Variants in RPS6KA5 observed in about 807,000 individuals in gnomAD.
RPS6KA5 encodes ribosomal protein S6 kinase alpha-5.
RPS6KA5 carries 27 observed loss-of-function variants against 85.5 expected under a neutral mutation model. That is an observed-to-expected ratio of 0.32 (90% confidence interval 0.23 to 0.44). RPS6KA5 has a LOEUF of 0.44. Ranked by LOEUF, RPS6KA5 falls within the 20% of genes least tolerant of loss-of-function variation. RPS6KA5 has a pLI of 1.00. For missense variants in RPS6KA5, 811 were observed against 980.9 expected, an observed-to-expected ratio of 0.83 and a Z score of 2.31; for synonymous variants, 334 against 348.2, an observed-to-expected ratio of 0.96 and a Z score of 0.46.
At chr14:90,883,348 C>A (rs1566687178) in intron 14 of RPS6KA5, among the ~76,000 whole-genome samples, 1 of 152,098 alleles carries the variant, frequency 6.6e-6, no homozygotes, top group South Asian at 2.1e-4. Context: ...TCCTCACACT[C>A]AATAATTTTA....
chr14:91,060,112 T>C, intron 1 of RPS6KA5: 1 of 985,260 alleles, frequency 1.0e-6, no homozygotes. Flanking sequence ...TGCCCGCCGC[T>C]CATTCCCGGG....
At chr14:91,013,819 GAAACAACAGTCAAGGCCA>G (rs2041364708) in intron 1 of RPS6KA5, among the ~76,000 whole-genome samples, 1 of 152,164 alleles carries the variant, frequency 6.6e-6, no homozygotes, top group Non-Finnish European at 1.5e-5. Flanking sequence ...TGTACAGGTT[GAAACAACAGTCAAGGCCA>G]AAATTCATAA....
intron 14 of RPS6KA5, among the ~76,000 whole-genome samples, chr14:90,882,011 T>C (rs1231348386): frequency 6.6e-6 from 1 of 152,246 alleles, no homozygotes; most frequent in Non-Finnish European, 1.5e-5. Context: ...CTAACTTCTG[T>C]CATTTTGCTA....
Position 91,060,553 on chromosome 14 carries a change from C to T in RPS6KA5, c.-119G>A. The T allele has an allele frequency of 5.9e-6, 7 of 1,191,594 alleles. No homozygotes were observed. Among genetic ancestry groups the T allele is most frequent in the Non-Finnish European group, 7.4e-6 (7 of 947,500 alleles). The allele number at this position is 1,191,594 out of a possible 1,614,324, so 73.8% of individuals were successfully genotyped here. A position where few individuals can be genotyped will look rare whatever the true frequency, so the allele number is the denominator to read the frequency against. The stretch of plus-strand genomic sequence containing the variant: ...GAGTCGGGGTGCGGCGGCTCCAGAA[C>T]TCGGACGCAAAGACGAGTCTCTTTC... On this transcript the variant is annotated 5_prime_UTR_variant, in exon 1 of 17. Coordinates refer to ENST00000614987, the MANE Select transcript of RPS6KA5 (RefSeq NM_004755.4).
chr14:90,972,230 T>C (rs760138556), intron 3 of RPS6KA5, among the ~76,000 whole-genome samples: 155 of 151,972 alleles, frequency 1.0e-3, no homozygotes, highest in Non-Finnish European at 1.4e-3. Context: ...TTACGGTTTT[T>C]CCCCCCAAAA....
At chr14:90,985,184 C>A (rs2040007154) in intron 2 of RPS6KA5, among the ~76,000 whole-genome samples, 1 of 152,214 alleles carries the variant, frequency 6.6e-6, no homozygotes, top group Non-Finnish European at 1.5e-5. Flanking sequence ...CTCAGGTGAT[C>A]TGCCCACCTC....
intron 1 of RPS6KA5, among the ~76,000 whole-genome samples, chr14:91,039,712 G>C (rs2042531944): frequency 6.6e-6 from 1 of 152,164 alleles, no homozygotes; most frequent in Non-Finnish European, 1.5e-5. Context: ...ACCTTGAAGT[G>C]AGCTGAAGCC....
chr14:90,948,116 A>G (rs1038651885), intron 3 of RPS6KA5, among the ~76,000 whole-genome samples: 5 of 152,348 alleles, frequency 3.3e-5, no homozygotes, highest in African/African-American at 9.6e-5. Flanking sequence ...GAAGATTACC[A>G]TTTCCCTGTC....
intron 5 of RPS6KA5, among the ~76,000 whole-genome samples, chr14:90,939,695 C>A (rs2037469863): frequency 6.6e-6 from 1 of 152,150 alleles, no homozygotes; most frequent in Non-Finnish European, 1.5e-5. Flanking sequence ...TATTCACTAT[C>A]ACAAGAATAG....
intron 2 of RPS6KA5, among the ~76,000 whole-genome samples, chr14:90,995,161 G>A (rs986063097): frequency 6.6e-6 from 1 of 151,910 alleles, no homozygotes; most frequent in Non-Finnish European, 1.5e-5. Flanking sequence ...CAGTAGGTGG[G>A]ATTACAGGTG....
At position 90,849,717 on chromosome 14, in the gene RPS6KA5, GAT is replaced by G. The variant is rs1205808804; in HGVS notation, c.*22355_*22356del. On this transcript the variant is annotated 3_prime_UTR_variant, in exon 17 of 17. Coordinates refer to ENST00000614987, the MANE Select transcript of RPS6KA5 (RefSeq NM_004755.4). ...GAAAGGCCAAAAGGAAAGTTAAAGGGATTTACTTTATTGATGCTAATGTAGGG... is the reference window on the plus strand; with the variant it reads ...GAAAGGCCAAAAGGAAAGTTAAAGGGTTACTTTATTGATGCTAATGTAGGG... 4 of 152,168 alleles carry G rather than the reference GAT, an allele frequency of 2.6e-5. No homozygotes were observed. Among genetic ancestry groups the G allele is most frequent in the Non-Finnish European group, 5.9e-5 (4 of 68,076 alleles). 9.4% of individuals were successfully genotyped at this position (152,168 alleles called of 1,614,324 possible).
Position 90,860,475 on chromosome 14 carries a change from A to C in RPS6KA5, c.*11599T>G, listed in dbSNP as rs1412617326. ...CTTGAACCTAGGAGGTGGAGGTTGC[A>C]GTGAGCCAAGATTGTGCCACTGCAC... On this transcript the variant is annotated 3_prime_UTR_variant, in exon 17 of 17. Coordinates refer to ENST00000614987, the MANE Select transcript of RPS6KA5 (RefSeq NM_004755.4). 6.6e-6 allele frequency: 1 copy of C among 152,284 alleles called. No homozygotes were observed. The highest frequency in any genetic ancestry group is 1.5e-5 in the Non-Finnish European group (1 of 68,094). 9.4% of individuals were successfully genotyped at this position (152,284 alleles called of 1,614,324 possible).
At chr14:91,041,958 T>G (rs2042622377) in intron 1 of RPS6KA5, among the ~76,000 whole-genome samples, 1 of 152,120 alleles carries the variant, frequency 6.6e-6, no homozygotes, top group Admixed American at 6.5e-5. Flanking sequence ...TCCCAATACA[T>G]GTACCAAATA....
At chr14:91,026,680 G>A (rs1454826615) in intron 1 of RPS6KA5, among the ~76,000 whole-genome samples, 1 of 152,200 alleles carries the variant, frequency 6.6e-6, no homozygotes, top group African/African-American at 2.4e-5. Flanking sequence ...GGGATTGCTA[G>A]ATCAAATGGT....
intron 1 of RPS6KA5, among the ~76,000 whole-genome samples, chr14:91,004,979 A>C (rs1041871542): frequency 2.7e-5 from 4 of 149,232 alleles, no homozygotes; most frequent in African/African-American, 5.1e-5. Context: ...CAAAAAAAAA[A>C]ACAAAAAAAC....
intron 5 of RPS6KA5, among the ~76,000 whole-genome samples, chr14:90,932,137 CATTT>C (rs1351952155): frequency 3.3e-5 from 5 of 152,044 alleles, no homozygotes; most frequent in African/African-American, 4.8e-5. Context: ...TTCATTCATT[CATTT>C]GAGACAGGGT....
chr14:90,946,434 C>T (rs2037877333), intron 4 of RPS6KA5, among the ~76,000 whole-genome samples: 3 of 152,270 alleles, frequency 2.0e-5, no homozygotes, highest in South Asian at 2.1e-4. Context: ...GCTGGATCTG[C>T]CCTTTTCCTG....
chr14:90,978,649 C>T, intron 2 of RPS6KA5, 125 bp from the exon 3 acceptor site: 1 of 658,612 alleles, frequency 1.5e-6, no homozygotes, highest in East Asian at 2.8e-5. Context: ...ACCCTTGGTA[C>T]CAGTTCAAAT....
At chr14:91,059,353 A>T (rs970271481) in intron 1 of RPS6KA5, among the ~76,000 whole-genome samples, 4 of 152,158 alleles carry the variant, frequency 2.6e-5, no homozygotes, top group Admixed American at 2.0e-4. Context: ...AAAAAAAAAA[A>T]AAAATCCCAA....
Sources: gnomAD v4.1 joint callset for allele counts (sites outside exome capture counted in the v4.1 genomes callset) on GRCh38, gnomAD v4.1.1 for gene constraint, MANE v1.5 for transcripts, NCBI Gene and HGNC (gene_info 2026-07-23, HGNC 2026-07-21) for gene names.